ALX1: variants seen among roughly 807,000 people sequenced by gnomAD.
The protein encoded by ALX1 is ALX homeobox protein 1.
ALX1 carries 19 observed loss-of-function variants against 31.7 expected under a neutral mutation model. The observed-to-expected ratio is 0.60, with a 90% CI of 0.42 to 0.88. The LOEUF is 0.88. Among genes scored for constraint, ALX1 ranks in the 40% least tolerant of loss-of-function variants. ALX1 has a pLI of 0.00. For missense variants in ALX1, 415 were observed against 407.8 expected (o/e 1.02, Z -0.15); for synonymous variants, 153 against 148.8 (o/e 1.03, Z -0.20).
At chr12:85,292,979 G>A (rs893079131) in intron 3 of ALX1, among the ~76,000 whole-genome samples, 1 of 149,892 alleles carries the variant, frequency 6.7e-6, no homozygotes, top group Non-Finnish European at 1.5e-5. Context: ...TACATTGTAT[G>A]ATGAGTGCTT....
chr12:85,294,374 A>G (rs1896858476), intron 3 of ALX1, among the ~76,000 whole-genome samples: 2 of 151,134 alleles, frequency 1.3e-5, no homozygotes, highest in Admixed American at 1.3e-4. Flanking sequence ...CCATATGATA[A>G]TTATTGCTTG....
chr12:85,299,301 T>C (rs1490029025), intron 3 of ALX1, among the ~76,000 whole-genome samples: 1 of 151,632 alleles, frequency 6.6e-6, no homozygotes, highest in Non-Finnish European at 1.5e-5. Context: ...GTAATGACAT[T>C]AGCAGCCCTC....
At chr12:85,297,330 A>T (rs1438977955) in intron 3 of ALX1, among the ~76,000 whole-genome samples, 1 of 151,718 alleles carries the variant, frequency 6.6e-6, no homozygotes, top group Admixed American at 6.6e-5. Context: ...GAATAACATG[A>T]TCTGAATGAT....
chr12:85,281,083 T>G (rs1302894101), intron 1 of ALX1, among the ~76,000 whole-genome samples: 2 of 137,650 alleles, frequency 1.5e-5, no homozygotes, highest in East Asian at 3.9e-4. Flanking sequence ...TAATTTCTGC[T>G]TTTTTTTGCG....
intron 2 of ALX1, among the ~76,000 whole-genome samples, chr12:85,285,569 T>G (rs971642859): frequency 5.8e-4 from 88 of 152,112 alleles, no homozygotes; most frequent in African/African-American, 2.1e-3. Flanking sequence ...TGCTGAAAAC[T>G]CTGCAAAGTG....
In ALX1 at chr12:85,301,276, G is replaced by A. The variant is rs371574280; in HGVS notation, c.782G>A (p.Ser261Asn). Residue 261 changes from serine (S) to asparagine (N), a missense_variant, in exon 4 of 4, where the codon AGT (serine) becomes AAT (asparagine). This residue lies in a region of ALX1 where 174 missense variants were observed against 177.5 expected (regional missense o/e 0.98). Transcript: ENST00000316824. ...TCTCACTCGCCTCGGACAGATTCCAGTTACACGGGGTTTTCAAACCACCAG... is the reference window on the plus strand; with the variant it reads ...TCTCACTCGCCTCGGACAGATTCCAATTACACGGGGTTTTCAAACCACCAG... ...PYSHSPRTDS[S>N]YTGFSNHQNQ... 5.0e-6 allele frequency: 8 copies of A among 1,614,024 alleles called. No homozygotes were observed. Among genetic ancestry groups the A allele is most frequent in the Non-Finnish European group, 5.9e-6 (7 of 1,179,958 alleles).
chr12:85,288,822 T>C (rs1259528726), intron 3 of ALX1, among the ~76,000 whole-genome samples: 1 of 151,446 alleles, frequency 6.6e-6, no homozygotes, highest in Non-Finnish European at 1.5e-5. Context: ...TATATTTAAA[T>C]GATACCAAAG....
intron 3 of ALX1, among the ~76,000 whole-genome samples, chr12:85,288,524 G>T (rs927903425): frequency 2.6e-5 from 4 of 151,372 alleles, no homozygotes; most frequent in Admixed American, 6.6e-5. Flanking sequence ...ACAAAATTCT[G>T]TAAAAATCTT....
At chr12:85,281,629 T>G (rs1364700440) in intron 1 of ALX1, among the ~76,000 whole-genome samples, 2 of 152,250 alleles carry the variant, frequency 1.3e-5, no homozygotes, top group Non-Finnish European at 2.9e-5. Flanking sequence ...TATTTAACGT[T>G]GCAAGTAACT....
In ALX1 at chr12:85,280,452, G is replaced by C. The variant is rs115596276; in HGVS notation, c.191G>C (p.Arg64Pro). The C allele has an allele frequency of 1.2e-6, 2 of 1,611,804 alleles. No homozygotes were observed. Among genetic ancestry groups the C allele is most frequent in the Non-Finnish European group, 1.7e-6 (2 of 1,180,002 alleles). ...GPLPRAEHHV[R>P]LERTSPCQDS... Reference sequence around the variant, plus strand: ...CTGCCCCGCGCCGAGCATCACGTGCGCTTGGAGAGGACCTCGCCCTGTCAG... The same window carrying C: ...CTGCCCCGCGCCGAGCATCACGTGCCCTTGGAGAGGACCTCGCCCTGTCAG... The change falls in exon 1 of 4, where the codon CGC becomes CCC. Residue 64 changes from arginine to proline, a missense_variant. Around this residue, in one of 3 missense-constraint regions of ALX1, gnomAD observed 235 missense variants for 208.9 expected, o/e 1.13. Coordinates refer to ENST00000316824, the MANE Select transcript of ALX1 (RefSeq NM_006982.3).
In ALX1 at chr12:85,283,743, G is replaced by A. The variant is rs765386152; in HGVS notation, c.398G>A (p.Arg133Gln). 4.3e-6 allele frequency: 7 copies of A among 1,613,990 alleles called. No homozygotes were observed. Among genetic ancestry groups the A allele is most frequent in the Non-Finnish European group, 5.9e-6 (7 of 1,180,010 alleles). ...AGCAATGTATCCAGCAGTAAGAAAC[G>A]GAGGCACCGAACCACCTTCACCAGT... ...CDSNVSSSKK[R>Q]RHRTTFTSLQ... is the part of the protein sequence containing the mutation. The change falls in exon 2 of 4, where the codon CGG becomes CAG. Residue 133 changes from arginine (R) to glutamine (Q), a missense_variant. Coordinates refer to ENST00000316824, the MANE Select transcript of ALX1 (RefSeq NM_006982.3).
rs574106917 is a variant in ALX1 at position 85,301,213 on chromosome 12, T to A, written c.719T>A (p.Met240Lys). 3.7e-6 allele frequency: 6 copies of A among 1,614,076 alleles called. No individual in the cohort carries two copies. Among genetic ancestry groups the A allele is most frequent in the Non-Finnish European group, 5.1e-6 (6 of 1,179,962 alleles). Reference sequence around the variant, plus strand: ...GGTGGTTCTGTGGTTACTTCATGCATGTTACCACGTGACACTTCCTCCTGT... The same window carrying A: ...GGTGGTTCTGTGGTTACTTCATGCAAGTTACCACGTGACACTTCCTCCTGT... ...ASGGSVVTSC[M>K]LPRDTSSCMT... is the part of the protein sequence containing the mutation. The change falls in exon 4 of 4, where the codon ATG (methionine) becomes AAG (lysine). Residue 240 changes from methionine to lysine, a missense_variant. Physicochemically the swap from Met to Lys is moderately conservative, Grantham distance 95 (BLOSUM62 -1). This residue lies in a region of ALX1 where 174 missense variants were observed against 177.5 expected (regional missense o/e 0.98). Coordinates refer to ENST00000316824, the MANE Select transcript of ALX1 (RefSeq NM_006982.3).
intron 1 of ALX1, 44 bp downstream of exon 1, chr12:85,280,531 C>T (rs1257418654): frequency 1.3e-6 from 2 of 1,590,652 alleles, no homozygotes; most frequent in Admixed American, 1.7e-5. Flanking sequence ...AGCCCTTCCG[C>T]AATCGAAAAT....
At chr12:85,296,218 AAAAT>A (rs1323220001) in intron 3 of ALX1, among the ~76,000 whole-genome samples, 1 of 151,568 alleles carries the variant, frequency 6.6e-6, no homozygotes, top group Non-Finnish European at 1.5e-5. Flanking sequence ...TCTAAGGTAA[AAAAT>A]AAATAATTTT....
At chr12:85,283,922 T>A (rs1415949898) in intron 2 of ALX1, 46 bp downstream of exon 2, 1 of 1,594,900 alleles carries the variant, frequency 6.3e-7, no homozygotes, top group East Asian at 2.2e-5. Flanking sequence ...GGAAAATAAA[T>A]GGTGTTAGAA....
At chr12:85,292,276 T>C (rs1896828526) in intron 3 of ALX1, among the ~76,000 whole-genome samples, 1 of 151,080 alleles carries the variant, frequency 6.6e-6, no homozygotes, top group Admixed American at 6.6e-5. Context: ...GAAAACCAAA[T>C]ACGGTAACTT....
intron 3 of ALX1, among the ~76,000 whole-genome samples, chr12:85,288,304 G>T (rs1489492109): frequency 6.6e-6 from 1 of 151,334 alleles, no homozygotes; most frequent in Non-Finnish European, 1.5e-5. Flanking sequence ...TTCAATAAAT[G>T]CCTCCTATCT....
intron 3 of ALX1, among the ~76,000 whole-genome samples, chr12:85,300,156 A>G: frequency 6.6e-6 from 1 of 151,952 alleles, no homozygotes. Flanking sequence ...TGTTTGTTTA[A>G]ATAGCTTGTA....
At chr12:85,297,210 T>C (rs1201077386) in intron 3 of ALX1, among the ~76,000 whole-genome samples, 1 of 151,652 alleles carries the variant, frequency 6.6e-6, no homozygotes, top group African/African-American at 2.4e-5. Context: ...AAAGATTTTA[T>C]CTGCCAGCTT....
Sources: allele counts gnomAD v4.1 joint callset (sites outside exome capture counted in the v4.1 genomes callset), GRCh38; gene constraint gnomAD v4.1.1; regional missense constraint gnomAD v4.1.1; transcripts MANE v1.5; gene names NCBI Gene and HGNC (gene_info 2026-07-23, HGNC 2026-07-21).